The following CBLB variants were observed in gnomAD, a reference collection of about 807,000 sequenced individuals.
The protein encoded by CBLB is E3 ubiquitin-protein ligase CBL-B.
In CBLB, 31 loss-of-function variants were observed where a neutral mutation model predicts 104.9. The observed-to-expected ratio is 0.30, with a 90% CI of 0.22 to 0.40. The LOEUF (loss-of-function observed/expected upper bound fraction) is 0.40. Ranked by LOEUF, CBLB falls within the 10% of genes least tolerant of loss-of-function variation. CBLB has a pLI of 1.00. For missense variants in CBLB, 1,062 were observed against 1,214.6 expected (o/e 0.87, Z 1.87); for synonymous variants, 440 against 422.6 (o/e 1.04, Z -0.51).
chr3:105,755,787 C>CA (rs2077034032), intron 4 of CBLB, among the ~76,000 whole-genome samples: 1 of 151,998 alleles, frequency 6.6e-6, no homozygotes, highest in African/African-American at 2.4e-5. Flanking sequence ...AAATTATGTC[C>CA]AAAAAATACA....
intron 12 of CBLB, among the ~76,000 whole-genome samples, chr3:105,701,421 T>C (rs999046): frequency 0.25 from 37,546 of 152,142 alleles, 4,845 homozygotes; most frequent in Non-Finnish European, 0.27. Flanking sequence ...ATGACATGTA[T>C]AGTAACACAA....
chr3:105,809,003 A>ACATT (rs1359435829), intron 3 of CBLB, among the ~76,000 whole-genome samples: 79 of 152,330 alleles, frequency 5.2e-4, no homozygotes, highest in African/African-American at 1.5e-3. Context: ...CCATTTAGGA[A>ACATT]CATTCATTCA....
chr3:105,810,517 T>C (rs1383962625), intron 3 of CBLB, among the ~76,000 whole-genome samples: 3 of 152,072 alleles, frequency 2.0e-5, no homozygotes, highest in South Asian at 2.1e-4. Context: ...CTTAAAGCAT[T>C]TAGCGAAGAA....
intron 18 of CBLB, among the ~76,000 whole-genome samples, chr3:105,665,402 TAAATAAATAA>T (rs1223223198): frequency 1.7e-4 from 16 of 96,452 alleles, no homozygotes; most frequent in African/African-American, 6.1e-4. Context: ...AATAAATAAA[TAAATAAATAA>T]ATAAATATAT....
At chr3:105,860,989 TA>T (rs2092035360) in intron 2 of CBLB, among the ~76,000 whole-genome samples, 1 of 152,150 alleles carries the variant, frequency 6.6e-6, no homozygotes, top group South Asian at 2.1e-4. Context: ...TAACTATTAA[TA>T]CTTTTTTCAT....
intron 16 of CBLB, among the ~76,000 whole-genome samples, chr3:105,679,389 T>C (rs1439298253): frequency 8.9e-6 from 1 of 112,468 alleles, no homozygotes; most frequent in Non-Finnish European, 1.9e-5. Flanking sequence ...TATCTCAAAA[T>C]ACTTTAGGAA....
At chr3:105,767,282 G>T (rs1161036122) in intron 4 of CBLB, among the ~76,000 whole-genome samples, 2 of 151,954 alleles carry the variant, frequency 1.3e-5, no homozygotes. Flanking sequence ...TTTACCTAGA[G>T]GGAAAACTGA....
At chr3:105,817,772 C>T (rs1375450367) in intron 3 of CBLB, among the ~76,000 whole-genome samples, 3 of 152,110 alleles carry the variant, frequency 2.0e-5, no homozygotes, top group Non-Finnish European at 4.4e-5. Context: ...AAAGTGACTA[C>T]TGTAAGTTTT....
chr3:105,755,228 T>C (rs1006420725), intron 4 of CBLB, among the ~76,000 whole-genome samples: 5 of 151,990 alleles, frequency 3.3e-5, no homozygotes, highest in Non-Finnish European at 7.4e-5. Context: ...CCTTCCTGTG[T>C]CCATGTGATC....
chr3:105,718,796 T>A (rs1022779526), intron 10 of CBLB, among the ~76,000 whole-genome samples: 1 of 152,142 alleles, frequency 6.6e-6, no homozygotes, highest in African/African-American at 2.4e-5. Context: ...TATGAAGACC[T>A]TTCACACCAC....
chr3:105,868,995 G>T lies in CBLB; in HGVS notation c.-274C>A, dbSNP rs929248752. 6.6e-6 allele frequency: 7 copies of T among 1,057,912 alleles called. No homozygotes were observed. The highest frequency in any genetic ancestry group is 1.7e-5 in the African/African-American group (1 of 57,544). 65.5% of individuals were successfully genotyped at this position (1,057,912 alleles called of 1,614,324 possible). On this transcript the variant is annotated 5_prime_UTR_variant, in exon 1 of 19. Transcript: ENST00000394030. ...CGCCGCAGCAGCACTAGCAGGAGGA[G>T]GAGACCGCTCGCTGGACACCCCACC...
chr3:105,715,931 C>T (rs1230198139), intron 10 of CBLB, among the ~76,000 whole-genome samples: 1 of 152,022 alleles, frequency 6.6e-6, no homozygotes, highest in Non-Finnish European at 1.5e-5. Flanking sequence ...CCCAGCTACT[C>T]GGGAGGCTGA....
chr3:105,661,595 C>T (rs1489579943), intron 18 of CBLB, among the ~76,000 whole-genome samples: 1 of 152,104 alleles, frequency 6.6e-6, no homozygotes, highest in Admixed American at 6.6e-5. Flanking sequence ...GTTATTTTGT[C>T]TGTCCAGGAT....
Position 105,720,252 on chromosome 3 carries a change from T to C in CBLB, c.1204-2A>G, listed in dbSNP as rs771912484. Reference sequence around the variant, plus strand: ...AGGGCAGCCCTGACCATCCGACTCCTAAACAAATAGAAAATGCATGGATTG... The same window carrying C: ...AGGGCAGCCCTGACCATCCGACTCCCAAACAAATAGAAAATGCATGGATTG... On this transcript the variant is annotated splice_acceptor_variant, in intron 9 of 18. Coordinates refer to ENST00000394030, the MANE Select transcript of CBLB (RefSeq NM_170662.5). LOFTEE classifies it high-confidence loss of function. 1 of 1,610,148 alleles carries C rather than the reference T, an allele frequency of 6.2e-7. No individual in the cohort carries two copies. Among genetic ancestry groups the C allele is most frequent in the Non-Finnish European group, 8.5e-7 (1 of 1,177,842 alleles).
intron 18 of CBLB, among the ~76,000 whole-genome samples, chr3:105,661,099 G>A (rs984538332): frequency 8.6e-5 from 13 of 151,870 alleles, no homozygotes; most frequent in South Asian, 2.1e-4. Context: ...CACCACGTCC[G>A]GCCATGATGA....
At chr3:105,752,872 C>CT (rs1199503578) in intron 4 of CBLB, among the ~76,000 whole-genome samples, 1 of 152,154 alleles carries the variant, frequency 6.6e-6, no homozygotes, top group Non-Finnish European at 1.5e-5. Context: ...AAAATGTTCC[C>CT]TGAGGCTGCT....
intron 5 of CBLB, among the ~76,000 whole-genome samples, chr3:105,749,254 CAA>C (rs1230856292): frequency 6.6e-6 from 1 of 152,022 alleles, no homozygotes; most frequent in African/African-American, 2.4e-5. Flanking sequence ...CACGGGCTAA[CAA>C]GAGTTCTTCA....
At chr3:105,759,719 A>G (rs1021948961) in intron 4 of CBLB, among the ~76,000 whole-genome samples, 1 of 152,186 alleles carries the variant, frequency 6.6e-6, no homozygotes, top group African/African-American at 2.4e-5. Context: ...GCCAGACAGC[A>G]GGAGCAGGCA....
intron 4 of CBLB, among the ~76,000 whole-genome samples, chr3:105,766,746 T>C (rs1372891851): frequency 6.6e-6 from 1 of 152,218 alleles, no homozygotes; most frequent in Non-Finnish European, 1.5e-5. Flanking sequence ...ACAAAAATAA[T>C]CTAAGTGACT....
Sources: gnomAD v4.1 joint callset for allele counts (sites outside exome capture counted in the v4.1 genomes callset) on GRCh38, gnomAD v4.1.1 for gene constraint, MANE v1.5 for transcripts, NCBI Gene and HGNC (gene_info 2026-07-23, HGNC 2026-07-21) for gene names.